Variants in CNTNAP2 observed in about 807,000 individuals in gnomAD.
CNTNAP2 encodes the protein contactin-associated protein-like 2.
Under a neutral mutation model 155.2 loss-of-function variants are expected in CNTNAP2, and 98 were observed. The ratio of observed to expected loss-of-function variants is 0.63; its 90% CI spans 0.54 to 0.75. The LOEUF (loss-of-function observed/expected upper bound fraction) is 0.75. CNTNAP2 is among the 30% of genes least tolerant of loss of function. The probability of loss-of-function intolerance (pLI) is 0.00; values close to 1 mark genes in which losing one functional copy is unlikely to be tolerated. For missense variants in CNTNAP2, 1,727 were observed against 1,688.1 expected, an observed-to-expected ratio of 1.02 and a Z score of -0.40; for synonymous variants, 651 against 631.2, an observed-to-expected ratio of 1.03 and a Z score of -0.47.
At chr7:146,932,535 G>A (rs1001362852) in intron 3 of CNTNAP2, among the ~76,000 whole-genome samples, 1 of 152,162 alleles carries the variant, frequency 6.6e-6, no homozygotes, top group Admixed American at 6.5e-5. Context: ...ACAAGACAGG[G>A]ATGCCCTCTC....
chr7:148,285,993 A>G (rs906847658), intron 21 of CNTNAP2, among the ~76,000 whole-genome samples: 1 of 152,148 alleles, frequency 6.6e-6, no homozygotes, highest in South Asian at 2.1e-4. Flanking sequence ...TCTTATAATA[A>G]ATTAAGCTAG....
chr7:146,582,895 A>G (rs528883096), intron 1 of CNTNAP2, among the ~76,000 whole-genome samples: 46 of 148,572 alleles, frequency 3.1e-4, no homozygotes, highest in African/African-American at 1.1e-3. Context: ...TAATATTAAT[A>G]TATTTATGAT....
rs1490257520 is a variant in CNTNAP2 at position 147,559,881 on chromosome 7, AC to A, written c.1778-2256del. 1.9e-4 allele frequency among the ~76,000 whole-genome samples: 28 copies of A among 148,040 alleles called. 1 individual carries two copies. The highest frequency in any genetic ancestry group is 5.7e-4 in the African/African-American group (23 of 40,282). On this transcript the variant is annotated intron_variant, in intron 11 of 23. Coordinates refer to ENST00000361727, the MANE Select transcript of CNTNAP2 (RefSeq NM_014141.6). ...TGCCGATCTTAAAAAAAAAAAAAAA[AC>A]ATTTGAGGCCAGGTGCAGTGGCTCA...
chr7:146,982,577 T>A (rs1180883020), intron 3 of CNTNAP2, among the ~76,000 whole-genome samples: 1 of 152,126 alleles, frequency 6.6e-6, no homozygotes, highest in Non-Finnish European at 1.5e-5. Context: ...TGTGTGTGAT[T>A]AAGAGGGTGA....
intron 1 of CNTNAP2, among the ~76,000 whole-genome samples, chr7:146,721,889 A>ATATATATTTTTTTTTTTTTTTTT: frequency 2.9e-5 from 2 of 69,708 alleles, no homozygotes; most frequent in African/African-American, 3.8e-4. Flanking sequence ...ATATATATAT[A>ATATATATTTTTTTTTTTTTTTTT]TTTTTTTTTT....
At chr7:148,132,620 T>A (rs1804856140) in intron 16 of CNTNAP2, among the ~76,000 whole-genome samples, 1 of 152,204 alleles carries the variant, frequency 6.6e-6, no homozygotes, top group South Asian at 2.1e-4. Context: ...GGCCATGAGA[T>A]GTAGAATAGA....
chr7:146,575,123 C>G (rs1798503705), intron 1 of CNTNAP2, among the ~76,000 whole-genome samples: 1 of 152,132 alleles, frequency 6.6e-6, no homozygotes, highest in African/African-American at 2.4e-5. Flanking sequence ...TACATTTACA[C>G]CCTGGTATGT....
At chr7:146,905,909 G>A (rs1796112184) in intron 3 of CNTNAP2, among the ~76,000 whole-genome samples, 1 of 152,208 alleles carries the variant, frequency 6.6e-6, no homozygotes, top group Admixed American at 6.5e-5. Context: ...ACTAGGGAGT[G>A]CCAGACAGTG....
chr7:146,732,701 T>C (rs1183818991), intron 1 of CNTNAP2, among the ~76,000 whole-genome samples: 3 of 152,058 alleles, frequency 2.0e-5, no homozygotes, highest in East Asian at 1.9e-4. Flanking sequence ...CATGACCCCA[T>C]AGATAACAAG....
intron 8 of CNTNAP2, among the ~76,000 whole-genome samples, chr7:147,258,070 T>C (rs1305762216): frequency 6.6e-6 from 1 of 152,000 alleles, no homozygotes; most frequent in African/African-American, 2.4e-5. Context: ...ATAAAAACAA[T>C]ATAGAGACAG....
At chr7:146,829,646 C>T (rs897896013) in intron 2 of CNTNAP2, among the ~76,000 whole-genome samples, 5 of 151,878 alleles carry the variant, frequency 3.3e-5, no homozygotes, top group South Asian at 4.2e-4. Context: ...CATAAAAGCA[C>T]GTATACTTTT....
At chr7:147,528,874 A>ATT (rs35262641) in intron 11 of CNTNAP2, among the ~76,000 whole-genome samples, 11 of 152,134 alleles carry the variant, frequency 7.2e-5, no homozygotes, top group Non-Finnish European at 1.2e-4. Context: ...ATCTTTTGTG[A>ATT]TTTTTTAAAA....
chr7:147,334,851 T>C (rs1366897703), intron 9 of CNTNAP2, among the ~76,000 whole-genome samples: 3 of 152,208 alleles, frequency 2.0e-5, no homozygotes, highest in Admixed American at 6.5e-5. Context: ...AAGATACATA[T>C]AGGGATATTC....
intron 9 of CNTNAP2, among the ~76,000 whole-genome samples, chr7:147,387,203 C>A (rs1487318053): frequency 6.6e-6 from 1 of 152,148 alleles, no homozygotes; most frequent in East Asian, 1.9e-4. Context: ...CATATCAGTC[C>A]TTTACAGCAA....
chr7:147,243,376 ATAGTCTGGACT>A (rs1210493248), intron 8 of CNTNAP2, among the ~76,000 whole-genome samples: 2 of 152,080 alleles, frequency 1.3e-5, no homozygotes, highest in African/African-American at 2.4e-5. Context: ...TATGTGTCAG[ATAGTCTGGACT>A]TACAGGAAGA....
intron 2 of CNTNAP2, among the ~76,000 whole-genome samples, chr7:146,814,439 T>G (rs1446222770): frequency 6.6e-6 from 1 of 152,202 alleles, no homozygotes; most frequent in East Asian, 1.9e-4. Flanking sequence ...GAAAAAATGC[T>G]AAAAATAAAA....
rs750403586 is a variant in CNTNAP2 at position 147,121,182 on chromosome 7, A to G, written c.939+19A>G. 6.8e-6 allele frequency: 11 copies of G among 1,611,618 alleles called. No individual in the cohort carries two copies. In the Admixed American group the frequency reaches 1.0e-4, roughly 15 times the overall value. On this transcript the variant is annotated intron_variant, in intron 6 of 23. Transcript: ENST00000361727. ...CTATGAGGTACATGTGATGACGTAG[A>G]AATTGTAATAAAATGTCAAGCAATT...
intron 8 of CNTNAP2, among the ~76,000 whole-genome samples, chr7:147,228,261 A>T (rs1803593734): frequency 6.6e-6 from 1 of 152,198 alleles, no homozygotes; most frequent in South Asian, 2.1e-4. Context: ...GATCAGAAAA[A>T]TTGGGTAATA....
rs371991891 is a variant in CNTNAP2, at chr7:146,774,280, A to T, written c.107A>T (p.Asp36Val). Residue 36 changes from aspartate to valine, a missense_variant, in exon 2 of 24, where the codon GAT (aspartate) becomes GTT (valine). Physicochemically the swap from Asp to Val is radical, Grantham distance 152 (BLOSUM62 -3). Transcript: ENST00000361727. ...WTAPSTSQKC[D>V]EPLVSGLPHV... is the part of the protein sequence containing the mutation. ...TGTCTTTTGTTTTCAGAAAAATGTGATGAGCCACTTGTCTCTGGACTCCCC... is the reference window on the plus strand; with the variant it reads ...TGTCTTTTGTTTTCAGAAAAATGTGTTGAGCCACTTGTCTCTGGACTCCCC... 6.2e-7 allele frequency: 1 copy of T among 1,613,238 alleles called. No individual in the cohort carries two copies. The highest frequency in any genetic ancestry group is 1.3e-5 in the African/African-American group (1 of 74,874).
Sources: allele counts gnomAD v4.1 joint callset (sites outside exome capture counted in the v4.1 genomes callset), GRCh38; gene constraint gnomAD v4.1.1; transcripts MANE v1.5; gene names NCBI Gene and HGNC (gene_info 2026-07-23, HGNC 2026-07-21).